TNRC6A: variants seen among roughly 807,000 people sequenced by gnomAD.
TNRC6A encodes the protein trinucleotide repeat containing adaptor 6A.
TNRC6A carries 44 observed loss-of-function variants against 221.2 expected under a neutral mutation model. The observed-to-expected ratio is 0.20, with a 90% CI of 0.16 to 0.26. The LOEUF (loss-of-function observed/expected upper bound fraction) is 0.26. TNRC6A is among the 10% of genes least tolerant of loss of function. The pLI, the probability that TNRC6A is intolerant of heterozygous loss-of-function variation, is 1.00. For missense variants in TNRC6A, 2,199 were observed against 2,404.4 expected, an observed-to-expected ratio of 0.91 and a Z score of 1.79; for synonymous variants, 847 against 838.5, an observed-to-expected ratio of 1.01 and a Z score of -0.18.
chr16:24,813,310 C>G (rs1312695896), intron 18 of TNRC6A, among the ~76,000 whole-genome samples: 1 of 152,120 alleles, frequency 6.6e-6, no homozygotes, highest in Non-Finnish European at 1.5e-5. Context: ...GAACATTTTA[C>G]CCGATAAGTA....
At chr16:24,704,733 G>T (rs2056063646) in intron 2 of TNRC6A, among the ~76,000 whole-genome samples, 1 of 150,300 alleles carries the variant, frequency 6.7e-6, no homozygotes, top group Admixed American at 6.7e-5. Context: ...GTATAAGGGG[G>T]TATATTATTT....
At chr16:24,707,523 A>C (rs1260367033) in intron 2 of TNRC6A, among the ~76,000 whole-genome samples, 2 of 152,202 alleles carry the variant, frequency 1.3e-5, no homozygotes, top group African/African-American at 4.8e-5. Context: ...AGCTAGGAGA[A>C]ATGTTTCTAC....
Position 24,669,980 on chromosome 16 carries a change from C to G in TNRC6A, n.402+28971C>G, listed in dbSNP as rs1257169997. Among the ~76,000 whole-genome samples, 6 of 23,512 alleles carry G rather than the reference C, an allele frequency of 2.6e-4. No homozygotes were observed. The Admixed American group carries it at 2.8e-3, about 11-fold the overall frequency. The allele number at this position is 23,512 out of a possible 152,430, so 15.4% of individuals were successfully genotyped here. On this transcript the variant is annotated intron_variant and non_coding_transcript_variant, in intron 2 of 2. Coordinates refer to the TNRC6A transcript ENST00000566108. ...TTTTTTTTTTTTTTAGACAGAGTCT[C>G]ACTCTGTCACCCAGGCTGGAGTGCA...
intron 22 of TNRC6A, chr16:24,821,846 G>A: frequency 3.6e-6 from 2 of 558,244 alleles, no homozygotes; most frequent in South Asian, 4.9e-5. Context: ...CCTCTGTGGT[G>A]AACTGGGAGC....
intron 2 of TNRC6A, among the ~76,000 whole-genome samples, chr16:24,722,760 T>A (rs1219162524): frequency 1.3e-5 from 2 of 152,106 alleles, no homozygotes; most frequent in Non-Finnish European, 2.9e-5. Context: ...TGTATACGAA[T>A]TATACCACCA....
intron 2 of TNRC6A, among the ~76,000 whole-genome samples, chr16:24,669,637 C>T (rs2055248118): frequency 6.6e-6 from 1 of 152,068 alleles, no homozygotes. Flanking sequence ...CAGCTCCTTA[C>T]AAAAGTGCTG....
At chr16:24,748,548 A>G (rs2057064448) in intron 2 of TNRC6A, among the ~76,000 whole-genome samples, 1 of 152,182 alleles carries the variant, frequency 6.6e-6, no homozygotes, top group Non-Finnish European at 1.5e-5. Context: ...AGCAACAGTT[A>G]TCATACTCTT....
chr16:24,734,996 G>T (rs1280642341), intron 2 of TNRC6A, among the ~76,000 whole-genome samples: 1 of 152,176 alleles, frequency 6.6e-6, no homozygotes, highest in Non-Finnish European at 1.5e-5. Context: ...AAATGACTAG[G>T]ACTGGCCAGG....
intron 2 of TNRC6A, among the ~76,000 whole-genome samples, chr16:24,667,154 C>T (rs2055189309): frequency 6.6e-6 from 1 of 152,092 alleles, no homozygotes; most frequent in South Asian, 2.1e-4. Context: ...CCACTCTTTA[C>T]TGCTTATGAG....
intron 1 of TNRC6A, among the ~76,000 whole-genome samples, chr16:24,627,241 CCTT>C (rs1166148889): frequency 2.6e-5 from 4 of 152,082 alleles, no homozygotes; most frequent in African/African-American, 7.2e-5. Context: ...GACAGCCTCT[CCTT>C]CTCCTCCCCT....
intron 2 of TNRC6A, among the ~76,000 whole-genome samples, chr16:24,742,274 A>G (rs904327483): frequency 6.6e-6 from 1 of 152,232 alleles, no homozygotes; most frequent in Non-Finnish European, 1.5e-5. Context: ...GAAATAAAAT[A>G]AATTGCTTAA....
At position 24,820,273 on chromosome 16, in the gene TNRC6A, G is replaced by T. The variant is rs776211805; in HGVS notation, c.5215G>T (p.Gly1739Cys). ...GTCCCGCCCACCTCCGGGACTGACT[G>T]GTCAGAAGCCACCCTTGTCTACGTG... is the stretch of plus-strand genomic sequence containing the variant. ...APSRPPPGLTGQKPPLSTWDN... is the reference protein window; with the variant it reads ...APSRPPPGLTCQKPPLSTWDN... Residue 1739 changes from glycine (G) to cysteine (C), a missense_variant, in exon 22 of 25, where the codon GGT (glycine) becomes TGT (cysteine). Gly to Cys is a radical substitution (Grantham distance 159, BLOSUM62 -3). Transcript: ENST00000395799. The T allele has an allele frequency of 6.2e-7, 1 of 1,614,138 alleles. No homozygotes were observed. Among genetic ancestry groups the T allele is most frequent in the Non-Finnish European group, 8.5e-7 (1 of 1,180,022 alleles).
intron 2 of TNRC6A, among the ~76,000 whole-genome samples, chr16:24,651,313 C>A (rs1265463352): frequency 1.3e-5 from 2 of 150,148 alleles, no homozygotes; most frequent in Admixed American, 6.6e-5. Flanking sequence ...CTGAGTCAGG[C>A]AGATCACCTG....
chr16:24,706,942 C>A (rs1469757610), intron 2 of TNRC6A, among the ~76,000 whole-genome samples: 1 of 151,462 alleles, frequency 6.6e-6, no homozygotes, highest in Non-Finnish European at 1.5e-5. Context: ...CAAATAAATT[C>A]CAGACAGATA....
chr16:24,740,081 G>C (rs1386605343), intron 2 of TNRC6A, among the ~76,000 whole-genome samples: 1 of 152,136 alleles, frequency 6.6e-6, no homozygotes, highest in Admixed American at 6.5e-5. Flanking sequence ...AAGGTCACTT[G>C]ATCATAAAAT....
chr16:24,687,693 G>C (rs1261079956), intron 2 of TNRC6A, among the ~76,000 whole-genome samples: 1 of 152,024 alleles, frequency 6.6e-6, no homozygotes, highest in Non-Finnish European at 1.5e-5. Context: ...AGCTAGTCTA[G>C]GGGCTGAGGC....
At chr16:24,798,058 GACAGGGGAGGCTGT>G in intron 11 of TNRC6A, 92 bp downstream of exon 11, 1 of 1,117,966 alleles carries the variant, frequency 8.9e-7, no homozygotes, top group Non-Finnish European at 1.3e-6. Context: ...CGTAGATCAG[GACAGGGGAGGCTGT>G]GCTCTCCAAT....
chr16:24,635,861 GATAGC>G (rs1257922447), intron 1 of TNRC6A, among the ~76,000 whole-genome samples: 1 of 152,186 alleles, frequency 6.6e-6, no homozygotes, highest in Non-Finnish European at 1.5e-5. Context: ...ATCATCAAAT[GATAGC>G]AGTAGCTCAC....
At chr16:24,680,334 T>C (rs542751027) in intron 2 of TNRC6A, among the ~76,000 whole-genome samples, 16 of 151,610 alleles carry the variant, frequency 1.1e-4, no homozygotes, top group African/African-American at 3.4e-4. Flanking sequence ...GGAGGGAGGA[T>C]TGCTTGACTC....
Sources: gnomAD v4.1 joint callset for allele counts (sites outside exome capture counted in the v4.1 genomes callset) on GRCh38, gnomAD v4.1.1 for gene constraint, MANE v1.5 for transcripts, NCBI Gene and HGNC (gene_info 2026-07-23, HGNC 2026-07-21) for gene names.